The following RAPGEF6 variants were observed in gnomAD, a reference collection of about 807,000 sequenced individuals.
RAPGEF6 encodes Rap guanine nucleotide exchange factor 6.
In RAPGEF6, 56 loss-of-function variants were observed where a neutral mutation model predicts 171.4. The observed-to-expected ratio is 0.33, with a 90% CI of 0.26 to 0.41. The LOEUF is 0.41. Ranked by LOEUF, RAPGEF6 falls within the 10% of genes least tolerant of loss-of-function variation. RAPGEF6 has a pLI of 1.00. For missense variants in RAPGEF6, 1,674 were observed against 1,921.4 expected (o/e 0.87, Z 2.41); for synonymous variants, 692 against 650.1 (o/e 1.06, Z -0.98).
intron 4 of RAPGEF6, among the ~76,000 whole-genome samples, chr5:131,569,221 C>A (rs1762128935): frequency 6.6e-6 from 1 of 152,094 alleles, no homozygotes. Flanking sequence ...AATTGACAAG[C>A]AAATCCTTAA....
intron 3 of RAPGEF6, 81 bp from the exon 4 acceptor site, chr5:131,592,547 T>C: frequency 6.6e-7 from 1 of 1,513,158 alleles, no homozygotes; most frequent in Non-Finnish European, 8.9e-7. Context: ...AAATATATTC[T>C]GATAATAGTA....
At chr5:131,580,181 G>T (rs1229322515) in intron 4 of RAPGEF6, among the ~76,000 whole-genome samples, 2 of 152,198 alleles carry the variant, frequency 1.3e-5, no homozygotes, top group African/African-American at 4.8e-5. Context: ...CTGCCCCATG[G>T]AGAGGCAGCT....
intron 3 of RAPGEF6, among the ~76,000 whole-genome samples, chr5:131,601,677 T>C (rs904293730): frequency 2.0e-5 from 3 of 151,990 alleles, no homozygotes; most frequent in Non-Finnish European, 2.9e-5. Flanking sequence ...AACACAAACA[T>C]TAAGGGTTGT....
chr5:131,516,351 T>C (rs10042380), intron 7 of RAPGEF6, among the ~76,000 whole-genome samples: 11,322 of 152,178 alleles, frequency 0.074, 859 homozygotes, highest in African/African-American at 0.2. Context: ...CAGATGATAT[T>C]CTTAACAGAA....
intron 5 of RAPGEF6, among the ~76,000 whole-genome samples, chr5:131,551,376 G>A (rs756493848): frequency 6.6e-5 from 10 of 152,042 alleles, no homozygotes; most frequent in African/African-American, 1.9e-4. Context: ...AGCCAGGCGC[G>A]GTGGCAGGCG....
intron 1 of RAPGEF6, among the ~76,000 whole-genome samples, chr5:131,611,802 GATT>G (rs1764949330): frequency 6.6e-6 from 1 of 152,094 alleles, no homozygotes; most frequent in Non-Finnish European, 1.5e-5. Flanking sequence ...AGAGTTTGTA[GATT>G]ATTTTTGATT....
intron 25 of RAPGEF6, among the ~76,000 whole-genome samples, chr5:131,432,470 T>C (rs1425057858): frequency 2.0e-5 from 3 of 151,896 alleles, no homozygotes; most frequent in Admixed American, 6.6e-5. Flanking sequence ...TACAAAAAAT[T>C]AGCCGGGCGT....
intron 17 of RAPGEF6, among the ~76,000 whole-genome samples, chr5:131,465,664 T>G (rs1754284810): frequency 1.3e-5 from 2 of 152,034 alleles, no homozygotes; most frequent in South Asian, 4.2e-4. Flanking sequence ...ATTCTTGTAG[T>G]TCCAGCTACT....
chr5:131,524,359 T>C (rs771242102), intron 6 of RAPGEF6, among the ~76,000 whole-genome samples: 7 of 152,208 alleles, frequency 4.6e-5, no homozygotes, highest in Admixed American at 6.5e-5. Flanking sequence ...CTCAGTTCCT[T>C]GCACTGTCCA....
chr5:131,576,005 T>A lies in RAPGEF6; in HGVS notation c.282-13958A>T, dbSNP rs146153150. 7.6e-4 allele frequency among the ~76,000 whole-genome samples: 116 copies of A among 152,296 alleles called. 1 individual carries two copies. The East Asian group carries it at 0.019, about 25-fold the overall frequency. Reference sequence around the variant, plus strand: ...TTTTTCTCCTCACACTTGAAGCATATACTTTCTGCCCGACTCCTTCAACCG... The same window carrying A: ...TTTTTCTCCTCACACTTGAAGCATAAACTTTCTGCCCGACTCCTTCAACCG... On this transcript the variant is annotated intron_variant, in intron 4 of 27. Coordinates refer to ENST00000509018, the MANE Select transcript of RAPGEF6 (RefSeq NM_016340.6).
chr5:131,631,232 A>G (rs1030565094), intron 1 of RAPGEF6, among the ~76,000 whole-genome samples: 4 of 152,232 alleles, frequency 2.6e-5, no homozygotes, highest in African/African-American at 4.8e-5. Flanking sequence ...ACAAATTTGT[A>G]TATGCAACCT....
chr5:131,504,820 A>T, intron 10 of RAPGEF6, 42 bp from the exon 11 acceptor site: 1 of 1,549,304 alleles, frequency 6.5e-7, no homozygotes, highest in South Asian at 1.2e-5. Context: ...AACCTATAGT[A>T]CATAAATATA....
intron 6 of RAPGEF6, among the ~76,000 whole-genome samples, chr5:131,531,307 A>G (rs1055364527): frequency 6.6e-6 from 1 of 152,230 alleles, no homozygotes; most frequent in African/African-American, 2.4e-5. Context: ...AAATGTTTTG[A>G]AAAAACACTG....
In RAPGEF6 at chr5:131,634,909, G is replaced by A. The variant is rs1271236331; in HGVS notation, c.69+53C>T. 2.5e-5 allele frequency: 39 copies of A among 1,587,368 alleles called. No homozygotes were observed. In the Admixed American group the frequency reaches 6.3e-4, roughly 26 times the overall value. ...GTCGCCGCGGATTTCGGACAGACAG[G>A]AGGATGCTGTCTACTGGACTGTGAG... On this transcript the variant is annotated intron_variant, in intron 1 of 27. Transcript: ENST00000509018.
chr5:131,613,816 C>T lies in RAPGEF6; in HGVS notation c.70-9123G>A, dbSNP rs547772906. ...AAACACCAAATTTTTATTTTTCCAA[C>T]CTCCCATACAACAAAGGCAGGGGCA... On this transcript the variant is annotated intron_variant, in intron 1 of 27. Transcript: ENST00000509018. Among the ~76,000 whole-genome samples the T allele has an allele frequency of 3.5e-4, 53 of 152,236 alleles. 1 individual carries two copies. In the South Asian group the frequency reaches 0.01, roughly 30 times the overall value.
At position 131,556,982 on chromosome 5, in the gene RAPGEF6, G is replaced by A. The variant is rs775712126; in HGVS notation, c.351+4996C>T. Among the ~76,000 whole-genome samples, 60 of 152,022 alleles carry A rather than the reference G, an allele frequency of 3.9e-4. 1 individual carries two copies. Among genetic ancestry groups the A allele is most frequent in the Non-Finnish European group, 8.2e-4 (56 of 67,980 alleles). ...TGTTTTGTTTGTTGGTTTTATAGACGGGAGTCTATGTTGCCCAGGCTGGAG... is the reference window on the plus strand; with the variant it reads ...TGTTTTGTTTGTTGGTTTTATAGACAGGAGTCTATGTTGCCCAGGCTGGAG... On this transcript the variant is annotated intron_variant, in intron 5 of 27. Coordinates refer to ENST00000509018, the MANE Select transcript of RAPGEF6 (RefSeq NM_016340.6).
rs546850709 is a variant in RAPGEF6 at position 131,443,285 on chromosome 5, C to A, written c.3422-748G>T. ...TAGAGATGGAGTTTCACCACGTTGC[C>A]CAGGCTGGTCTCGAACTCTTGACCT... On this transcript the variant is annotated intron_variant, in intron 22 of 27. Coordinates refer to ENST00000509018, the MANE Select transcript of RAPGEF6 (RefSeq NM_016340.6). Among the ~76,000 whole-genome samples, 3 of 152,044 alleles carry A rather than the reference C, an allele frequency of 2.0e-5. No individual in the cohort carries two copies. The South Asian group carries it at 6.2e-4, about 32-fold the overall frequency.
chr5:131,504,584 A>G (rs774976690), intron 11 of RAPGEF6, 42 bp downstream of exon 11: 63 of 1,514,644 alleles, frequency 4.2e-5, no homozygotes, highest in Non-Finnish European at 9.7e-6. Flanking sequence ...CTTTGATGAT[A>G]GAATAAAATC....
chr5:131,449,323 T>C (rs1752912493), intron 21 of RAPGEF6, among the ~76,000 whole-genome samples: 1 of 152,316 alleles, frequency 6.6e-6, no homozygotes, highest in South Asian at 2.1e-4. Flanking sequence ...GAATCTTCAA[T>C]TAAAGCTGGT....
Sources: gnomAD v4.1 joint callset for allele counts (sites outside exome capture counted in the v4.1 genomes callset) on GRCh38, gnomAD v4.1.1 for gene constraint, MANE v1.5 for transcripts, NCBI Gene and HGNC (gene_info 2026-07-23, HGNC 2026-07-21) for gene names.